The following PCCA variants were observed in gnomAD, a reference collection of about 807,000 sequenced individuals.
PCCA encodes the protein propionyl-CoA carboxylase subunit alpha.
Under a neutral mutation model 101.3 loss-of-function variants are expected in PCCA, and 74 were observed. The ratio of observed to expected loss-of-function variants is 0.73; its 90% confidence interval spans 0.61 to 0.89. The LOEUF (loss-of-function observed/expected upper bound fraction) is 0.89, where lower values mean the gene tolerates loss of function less well. Ranked by LOEUF, PCCA falls within the 40% of genes least tolerant of loss-of-function variation. PCCA has a pLI of 0.00. For synonymous variants in PCCA, 294 were observed against 313.6 expected (o/e 0.94, Z 0.66); for missense variants, 891 against 907.0 (o/e 0.98, Z 0.23).
intron 12 of PCCA, among the ~76,000 whole-genome samples, chr13:100,297,373 CAG>C (rs1331196714): frequency 6.6e-6 from 1 of 152,160 alleles, no homozygotes; most frequent in Non-Finnish European, 1.5e-5. Context: ...ATGGCAGTGT[CAG>C]AGTTTATTAT....
chr13:100,182,452 A>G (rs1015008279), intron 6 of PCCA, among the ~76,000 whole-genome samples: 1 of 152,206 alleles, frequency 6.6e-6, no homozygotes, highest in Non-Finnish European at 1.5e-5. Context: ...AACTTTGCTT[A>G]CTGTGGAACC....
chr13:100,463,591 A>C (rs1297112264), intron 21 of PCCA, among the ~76,000 whole-genome samples: 1 of 152,196 alleles, frequency 6.6e-6, no homozygotes, highest in Non-Finnish European at 1.5e-5. Flanking sequence ...TTGAAATGCC[A>C]AGAGACATCT....
At chr13:100,314,219 T>C (rs1431710460) in intron 16 of PCCA, among the ~76,000 whole-genome samples, 1 of 152,146 alleles carries the variant, frequency 6.6e-6, no homozygotes, top group African/African-American at 2.4e-5. Flanking sequence ...ATCAGTTTAT[T>C]ATAAAGGGTA....
At chr13:100,514,877 A>G (rs944284172) in intron 21 of PCCA, among the ~76,000 whole-genome samples, 4 of 152,236 alleles carry the variant, frequency 2.6e-5, no homozygotes, top group African/African-American at 9.6e-5. Flanking sequence ...TCATGAATAT[A>G]ACATTTTCTG....
chr13:100,190,829 G>A (rs1358318816), intron 6 of PCCA, among the ~76,000 whole-genome samples: 1 of 152,104 alleles, frequency 6.6e-6, no homozygotes, highest in Non-Finnish European at 1.5e-5. Context: ...TGGTCGTGGT[G>A]GTTCACACCT....
intron 21 of PCCA, among the ~76,000 whole-genome samples, chr13:100,496,541 C>T (rs943878806): frequency 1.1e-4 from 17 of 152,074 alleles, no homozygotes; most frequent in East Asian, 1.9e-4. Context: ...TCTCGGGAGG[C>T]GCATGTTCAC....
At chr13:100,491,748 GT>G in intron 21 of PCCA, 1 of 1,283,298 alleles carries the variant, frequency 7.8e-7, no homozygotes, top group Non-Finnish European at 1.0e-6. Flanking sequence ...AAAGCTCTCG[GT>G]TTGTACAAGC....
At chr13:100,152,716 G>C (rs1000095588) in intron 4 of PCCA, among the ~76,000 whole-genome samples, 1 of 152,126 alleles carries the variant, frequency 6.6e-6, no homozygotes, top group African/African-American at 2.4e-5. Context: ...AAAGTGCTGG[G>C]ATTACAGGCA....
chr13:100,410,490 C>G (rs559480359), intron 19 of PCCA, among the ~76,000 whole-genome samples: 4 of 152,148 alleles, frequency 2.6e-5, no homozygotes, highest in Non-Finnish European at 4.4e-5. Context: ...ATCCACCTGC[C>G]TTGGCCTCCC....
At position 100,202,120 on chromosome 13, in the gene PCCA, A is replaced by G. The variant is rs1594704118; in HGVS notation, c.469-7212A>G. Among the ~76,000 whole-genome samples the G allele has an allele frequency of 2.0e-5, 3 of 146,974 alleles. No homozygotes were observed. The Admixed American group carries it at 2.1e-4, about 10-fold the overall frequency. On this transcript the variant is annotated intron_variant, in intron 6 of 23. Transcript: ENST00000376285. ...TGAGGCAGGAGGATCACTTGAGGCC[A>G]GGAGTTTGAGACCATCATAGGCAAC...
chr13:100,109,862 T>A (rs2048142182), intron 2 of PCCA, among the ~76,000 whole-genome samples: 1 of 152,208 alleles, frequency 6.6e-6, no homozygotes, highest in Admixed American at 6.5e-5. Context: ...CCGGGTGTGG[T>A]GGCTCAGGCT....
At chr13:100,278,570 C>T (rs1249461684) in intron 12 of PCCA, among the ~76,000 whole-genome samples, 1 of 151,816 alleles carries the variant, frequency 6.6e-6, no homozygotes, top group Non-Finnish European at 1.5e-5. Flanking sequence ...ACCTCCGCCT[C>T]CCGGGTTCAG....
intron 19 of PCCA, among the ~76,000 whole-genome samples, chr13:100,371,919 TATTC>T (rs1442848007): frequency 6.6e-6 from 1 of 152,204 alleles, no homozygotes; most frequent in Admixed American, 6.5e-5. Context: ...GTTTCTAAAA[TATTC>T]AGTGGAGAAA....
In PCCA at chr13:100,124,411, C is replaced by G. The variant is rs549741184; in HGVS notation, c.300+12350C>G. Among the ~76,000 whole-genome samples the G allele has an allele frequency of 8.5e-5, 13 of 152,276 alleles. No individual in the cohort carries two copies. In the South Asian group the frequency reaches 2.7e-3, roughly 32 times the overall value. On this transcript the variant is annotated intron_variant, in intron 4 of 23. Transcript: ENST00000376285. ...AAAATTAGGGAAGTATTCACTGTGA[C>G]TCACATCTTACCCAGGCAGCCTGCT...
At chr13:100,193,906 C>T (rs189396163) in intron 6 of PCCA, among the ~76,000 whole-genome samples, 4 of 152,004 alleles carry the variant, frequency 2.6e-5, no homozygotes, top group African/African-American at 7.2e-5. Flanking sequence ...GGTGAAACCC[C>T]GTCTCTACAA....
intron 21 of PCCA, among the ~76,000 whole-genome samples, chr13:100,473,996 C>T (rs1040116360): frequency 3.9e-5 from 6 of 152,180 alleles, no homozygotes; most frequent in African/African-American, 1.4e-4. Flanking sequence ...AGATGCTTTT[C>T]AATTATTCTA....
chr13:100,130,334 TC>T (rs2050379273), intron 4 of PCCA, among the ~76,000 whole-genome samples: 1 of 152,234 alleles, frequency 6.6e-6, no homozygotes, highest in Non-Finnish European at 1.5e-5. Flanking sequence ...TTAGTAGGCA[TC>T]TTTTAGGAAG....
chr13:100,431,240 C>A (rs2079530971), intron 20 of PCCA, among the ~76,000 whole-genome samples: 1 of 152,070 alleles, frequency 6.6e-6, no homozygotes, highest in African/African-American at 2.4e-5. Context: ...CTCTTGTTTT[C>A]TCTTCTGTAA....
intron 19 of PCCA, among the ~76,000 whole-genome samples, chr13:100,389,885 G>A (rs995417556): frequency 4.6e-5 from 7 of 152,294 alleles, no homozygotes; most frequent in African/African-American, 1.7e-4. Flanking sequence ...GCAGTGGAGA[G>A]CCACAGAAGG....
Sources: allele counts gnomAD v4.1 joint callset (sites outside exome capture counted in the v4.1 genomes callset), GRCh38; gene constraint gnomAD v4.1.1; transcripts MANE v1.5; gene names NCBI Gene and HGNC (gene_info 2026-07-23, HGNC 2026-07-21).